MME: variants seen among roughly 807,000 people sequenced by gnomAD.
MME encodes the protein membrane metalloendopeptidase.
A neutral mutation model predicts 113.2 loss-of-function variants in MME; 98 were observed. The ratio of observed to expected loss-of-function variants is 0.87; its 90% confidence interval spans 0.74 to 1.02. The LOEUF is 1.02. MME is among the 50% of genes least tolerant of loss of function. The pLI is 0.00. For missense variants in MME, 836 were observed against 896.0 expected (o/e 0.93, Z 0.86); for synonymous variants, 292 against 300.6 (o/e 0.97, Z 0.30).
chr3:155,104,772 T>A (rs1294084644), intron 3 of MME, among the ~76,000 whole-genome samples: 1 of 152,200 alleles, frequency 6.6e-6, no homozygotes, highest in Non-Finnish European at 1.5e-5. Flanking sequence ...CATGACCTTC[T>A]ATAGCTTTAG....
At chr3:155,114,114 C>T (rs909179927) in intron 3 of MME, among the ~76,000 whole-genome samples, 2 of 152,174 alleles carry the variant, frequency 1.3e-5, no homozygotes, top group Non-Finnish European at 2.9e-5. Context: ...TCTCTTGATA[C>T]AGATGAATTC....
chr3:155,089,850 C>T (rs1389720189), intron 3 of MME: 2 of 453,000 alleles, frequency 4.4e-6, no homozygotes, highest in Admixed American at 4.7e-5. Context: ...TAGCACGCGC[C>T]TATAATCCCA....
At chr3:155,155,185 G>A (rs952331619) in intron 16 of MME, among the ~76,000 whole-genome samples, 2 of 152,070 alleles carry the variant, frequency 1.3e-5, no homozygotes, top group Non-Finnish European at 2.9e-5. Flanking sequence ...GTTTTCCAGA[G>A]GGGGAAGGGG....
upstream of MME, among the ~76,000 whole-genome samples, chr3:155,074,771 A>G (rs1576684713): frequency 6.6e-6 from 1 of 152,150 alleles, no homozygotes; most frequent in African/African-American, 2.4e-5. Context: ...TGCATTGTTT[A>G]ACAATTTCTA....
intron 1 of MME, among the ~76,000 whole-genome samples, chr3:155,083,036 A>G (rs1312926181): frequency 6.6e-6 from 1 of 152,208 alleles, no homozygotes; most frequent in Non-Finnish European, 1.5e-5. Flanking sequence ...AGTCATGCAG[A>G]AAAATGGAAA....
intron 22 of MME, among the ~76,000 whole-genome samples, chr3:155,177,984 C>A (rs143028748): frequency 4.7e-4 from 72 of 152,268 alleles, no homozygotes; most frequent in African/African-American, 1.5e-3. Context: ...AGAGCCTCCA[C>A]TCTTCATGTC....
At chr3:155,144,940 T>G (rs780722980) in intron 14 of MME, among the ~76,000 whole-genome samples, 78 of 152,316 alleles carry the variant, frequency 5.1e-4, no homozygotes, top group Non-Finnish European at 8.8e-5. Flanking sequence ...GTTAACATGC[T>G]TTATGAGCAA....
At chr3:155,047,086 A>G (rs374787045) in intron 1 of MME, among the ~76,000 whole-genome samples, 1 of 152,182 alleles carries the variant, frequency 6.6e-6, no homozygotes, top group East Asian at 1.9e-4. Context: ...AGGCCTTCAC[A>G]TTCACTCACC....
rs1478493341 is a variant in MME at position 155,181,574 on chromosome 3, G to A, written c.*1115G>A. ...GATGGAAATATTTTGATAATAAATT[G>A]AAATTGTGAACTCATTGCTCCCTAA... On this transcript the variant is annotated 3_prime_UTR_variant, in exon 23 of 23. Coordinates refer to ENST00000360490, the MANE Select transcript of MME (RefSeq NM_007289.4). 1 of 152,094 alleles carries A rather than the reference G, an allele frequency of 6.6e-6. No homozygotes were observed. 9.4% of individuals were successfully genotyped at this position (152,094 alleles called of 1,614,324 possible).
At chr3:155,133,062 A>AATATGTATATATATATATATATATAT (rs1720289393) in intron 8 of MME, among the ~76,000 whole-genome samples, 1 of 75,102 alleles carries the variant, frequency 1.3e-5, no homozygotes, top group African/African-American at 6.6e-5. Flanking sequence ...AAAAAAAAAA[A>AATATGTATATATATATATATATATAT]ATATATATAT....
intron 3 of MME, 134 bp from the exon 4 acceptor site, chr3:155,114,860 G>T: frequency 1.2e-6 from 1 of 825,136 alleles, no homozygotes; most frequent in Non-Finnish European, 2.0e-6. Flanking sequence ...CCCCTGAATT[G>T]ACTTATATAA....
intron 14 of MME, among the ~76,000 whole-genome samples, chr3:155,145,135 G>A (rs1721405520): frequency 6.6e-6 from 1 of 152,152 alleles, no homozygotes. Context: ...CCCTGAGTGG[G>A]TTAGGCCTAG....
intron 16 of MME, chr3:155,158,370 A>G (rs970683340): frequency 1.2e-4 from 19 of 152,122 alleles, no homozygotes; most frequent in Non-Finnish European, 1.9e-4. Context: ...TTTAATAACT[A>G]TAAGCTGTTT....
intron 1 of MME, among the ~76,000 whole-genome samples, chr3:155,065,695 A>C (rs1251489185): frequency 3.3e-5 from 5 of 152,226 alleles, no homozygotes; most frequent in Non-Finnish European, 7.3e-5. Flanking sequence ...AACATGAGTG[A>C]GATGACTTAT....
intron 1 of MME, among the ~76,000 whole-genome samples, chr3:155,037,004 T>C (rs1013168966): frequency 3.3e-5 from 5 of 152,234 alleles, no homozygotes; most frequent in African/African-American, 9.6e-5. Flanking sequence ...TTGAATTGCC[T>C]TGGCACCTTT....
Position 155,104,951 on chromosome 3 carries a change from T to A in MME, c.197-10043T>A, listed in dbSNP as rs561693722. ...GCAAATTGCACCTGAAAAAGAAAAA[T>A]TATTTTTAGACTTATGGCACTTTAA... On this transcript the variant is annotated intron_variant, in intron 3 of 22. Transcript: ENST00000360490. Among the ~76,000 whole-genome samples, 6 of 152,226 alleles carry A rather than the reference T, an allele frequency of 3.9e-5. No homozygotes were observed. In the South Asian group the frequency reaches 1.2e-3, roughly 32 times the overall value.
chr3:155,104,008 G>A (rs1489556486), intron 3 of MME, among the ~76,000 whole-genome samples: 2 of 152,186 alleles, frequency 1.3e-5, no homozygotes, highest in Non-Finnish European at 2.9e-5. Context: ...GAGTAAGTTT[G>A]AGAATTGAAA....
chr3:155,049,686 G>T (rs1013336603), intron 1 of MME, among the ~76,000 whole-genome samples: 8 of 151,804 alleles, frequency 5.3e-5, no homozygotes, highest in African/African-American at 7.3e-5. Flanking sequence ...TATAGAGAGA[G>T]AACAGAATGT....
chr3:155,142,602 C>G (rs1011653855), intron 12 of MME, among the ~76,000 whole-genome samples: 1 of 152,038 alleles, frequency 6.6e-6, no homozygotes, highest in Non-Finnish European at 1.5e-5. Context: ...AGAATACTGT[C>G]TGGATTTTTT....
Sources: gnomAD v4.1 joint callset for allele counts (sites outside exome capture counted in the v4.1 genomes callset) on GRCh38, gnomAD v4.1.1 for gene constraint, MANE v1.5 for transcripts, NCBI Gene and HGNC (gene_info 2026-07-23, HGNC 2026-07-21) for gene names.